The following AKAP9 variants were observed in gnomAD, a reference collection of about 807,000 sequenced individuals.
The protein encoded by AKAP9 is A-kinase anchoring protein 9, also known as A-kinase anchor protein 9.
In AKAP9, 311 loss-of-function variants were observed where a neutral mutation model predicts 488.5. That is an observed-to-expected ratio of 0.64 (90% CI 0.58 to 0.70). The LOEUF (loss-of-function observed/expected upper bound fraction) is 0.70, where lower values mean the gene tolerates loss of function less well. Among genes scored for constraint, AKAP9 ranks in the 30% least tolerant of loss-of-function variants. The pLI is 0.00. For missense variants in AKAP9, 4,215 were observed against 4,374.5 expected (o/e 0.96, Z 1.03); for synonymous variants, 1,462 against 1,483.5 (o/e 0.99, Z 0.33).
At chr7:91,993,083 T>C (rs1797966996) in intron 5 of AKAP9, 28 bp downstream of exon 5, 1 of 1,613,464 alleles carries the variant, frequency 6.2e-7, no homozygotes, top group Non-Finnish European at 8.5e-7. Flanking sequence ...GGCTTTTGAT[T>C]TGCTACTCAC....
At chr7:92,045,972 T>C (rs753976348) in intron 21 of AKAP9, among the ~76,000 whole-genome samples, 1 of 151,716 alleles carries the variant, frequency 6.6e-6, no homozygotes, top group Non-Finnish European at 1.5e-5. Flanking sequence ...TAGCTGGGAC[T>C]ACAGGTGCAT....
intron 24 of AKAP9, among the ~76,000 whole-genome samples, chr7:92,064,911 G>T (rs184140598): frequency 2.0e-5 from 3 of 150,906 alleles, no homozygotes; most frequent in African/African-American, 4.9e-5. Flanking sequence ...ATTGGACTTT[G>T]TTCTTTGCCC....
rs2130730239 is a variant in AKAP9 at position 92,022,268 on chromosome 7, C to T, written c.3868C>T (p.Leu1290Phe). ...GGGACAGCAGACAGATGGTATGAAA[C>T]TTGAATTTGGAGAAGAAAACCTTCC... ...IWGQQTDGMKLEFGEENLPKE... is the reference protein window; with the variant it reads ...IWGQQTDGMKFEFGEENLPKE... The change falls in exon 13 of 50, where the codon CTT becomes TTT. Residue 1290 changes from leucine (L) to phenylalanine (F), a missense_variant. Transcript: ENST00000356239. The T allele has an allele frequency of 6.2e-7, 1 of 1,613,408 alleles. No homozygotes were observed. The highest frequency in any genetic ancestry group is 8.5e-7 in the Non-Finnish European group (1 of 1,179,514).
chr7:92,038,576 G>T lies in AKAP9; in HGVS notation c.4496G>T (p.Gly1499Val), dbSNP rs967854967. 4 of 1,613,744 alleles carry T rather than the reference G, an allele frequency of 2.5e-6. No homozygotes were observed. The highest frequency in any genetic ancestry group is 3.4e-6 in the Non-Finnish European group (4 of 1,179,896). ...NEMKLSQDQI[G>V]FQTFETVDVK... ...ATGAAATTATCACAGGATCAAATTGGTTTTCAGACTTTTGAGACAGTGGAT... is the reference window on the plus strand; with the variant it reads ...ATGAAATTATCACAGGATCAAATTGTTTTTCAGACTTTTGAGACAGTGGAT... Residue 1499 changes from glycine (G) to valine (V), a missense_variant, in exon 17 of 50, where the codon GGT becomes GTT. This residue lies in a region of AKAP9 where 2,361 missense variants were observed against 2,430.0 expected (regional missense o/e 0.97). Coordinates refer to ENST00000356239, the MANE Select transcript of AKAP9 (RefSeq NM_005751.5).
At chr7:91,958,728 A>T (rs1793354669) in intron 1 of AKAP9, among the ~76,000 whole-genome samples, 1 of 152,150 alleles carries the variant, frequency 6.6e-6, no homozygotes, top group Admixed American at 6.6e-5. Context: ...GCAAGTAATG[A>T]TTTTGAATAG....
Position 92,086,419 on chromosome 7 carries a change from ATAATGAAACTTCATTT to A in AKAP9, c.9213+7_9213+22del. On this transcript the variant is annotated splice_donor_5th_base_variant and intron_variant, in intron 37 of 49. Transcript: ENST00000356239. ...TGGAACAGAGAATACAAGAACAGGT[ATAATGAAACTTCATTT>A]TAAAAACACTTTAATAGAAATAAGG... 3 of 1,608,632 alleles carry A rather than the reference ATAATGAAACTTCATTT, an allele frequency of 1.9e-6. No homozygotes were observed. The highest frequency in any genetic ancestry group is 2.6e-6 in the Non-Finnish European group (3 of 1,175,066).
At chr7:91,942,865 T>C (rs953574044) in intron 1 of AKAP9, among the ~76,000 whole-genome samples, 6 of 152,126 alleles carry the variant, frequency 3.9e-5, no homozygotes, top group African/African-American at 1.4e-4. Flanking sequence ...TAGCCCTTTT[T>C]CCAGTAAGAT....
intron 22 of AKAP9, among the ~76,000 whole-genome samples, chr7:92,055,826 G>T (rs982097881): frequency 8.6e-5 from 13 of 151,776 alleles, no homozygotes; most frequent in Non-Finnish European, 7.4e-5. Flanking sequence ...TTGTTACAAG[G>T]GCTGTATGCC....
chr7:91,958,610 A>G (rs1793338972), intron 1 of AKAP9, among the ~76,000 whole-genome samples: 2 of 152,204 alleles, frequency 1.3e-5, no homozygotes, highest in East Asian at 3.9e-4. Flanking sequence ...ATATTAGCAT[A>G]TGGGCCCACG....
intron 13 of AKAP9, among the ~76,000 whole-genome samples, 190 bp from the exon 14 acceptor site, chr7:92,022,624 A>G (rs893080465): frequency 6.6e-6 from 1 of 152,216 alleles, no homozygotes; most frequent in Admixed American, 6.5e-5. Context: ...GATCAAAAAG[A>G]TGATCTTGAA....
chr7:92,110,285 A>T lies in AKAP9; in HGVS notation c.*126A>T. ...ATATGAACACAGCTTATGATTGTAT[A>T]CAAATCCCTTGCCAGCACATGAAAA... On this transcript the variant is annotated 3_prime_UTR_variant, in exon 50 of 50. Coordinates refer to ENST00000356239, the MANE Select transcript of AKAP9 (RefSeq NM_005751.5). The T allele has an allele frequency of 1.3e-6, 1 of 780,106 alleles. No homozygotes were observed. Among genetic ancestry groups the T allele is most frequent in the Non-Finnish European group, 2.1e-6 (1 of 467,738 alleles). 48.3% of individuals were successfully genotyped at this position (780,106 alleles called of 1,614,324 possible).
At chr7:91,980,480 A>T (rs1396132767) in intron 3 of AKAP9, 147 bp downstream of exon 3, 17 of 113,490 alleles carry the variant, frequency 1.5e-4, no homozygotes, top group East Asian at 8.9e-4. Flanking sequence ...GAACCTGAGG[A>T]TTATGTATTA....
intron 37 of AKAP9, 108 bp from the exon 38 acceptor site, chr7:92,089,275 AAG>A (rs1815120778): frequency 1.6e-6 from 2 of 1,281,102 alleles, no homozygotes; most frequent in African/African-American, 1.5e-5. Flanking sequence ...TTTTTTAAAA[AAG>A]AAAATTTTAG....
chr7:92,000,189 T>C (rs1001710746), intron 7 of AKAP9, among the ~76,000 whole-genome samples: 2 of 152,262 alleles, frequency 1.3e-5, no homozygotes, highest in African/African-American at 4.8e-5. Flanking sequence ...TGCTTTGCTT[T>C]GAAAATTCTG....
chr7:91,967,433 T>C (rs1794553827), intron 1 of AKAP9, among the ~76,000 whole-genome samples: 1 of 152,224 alleles, frequency 6.6e-6, no homozygotes, highest in Admixed American at 6.5e-5. Context: ...TGATATTAGC[T>C]GTGGGTTTGC....
At chr7:92,009,363 A>G (rs1056156099) in intron 8 of AKAP9, among the ~76,000 whole-genome samples, 2 of 152,226 alleles carry the variant, frequency 1.3e-5, no homozygotes, top group African/African-American at 2.4e-5. Context: ...AAATTTGAAA[A>G]TAGACATAAA....
At chr7:92,014,474 C>T (rs1404913969) in intron 10 of AKAP9, 146 bp downstream of exon 10, 1 of 658,088 alleles carries the variant, frequency 1.5e-6, no homozygotes, top group East Asian at 2.9e-5. Context: ...CCAAAAAATA[C>T]AAAAATCAGT....
Position 92,001,227 on chromosome 7 carries a change from T to G in AKAP9, c.1310T>G (p.Leu437Arg), listed in dbSNP as rs776949914. The G allele has an allele frequency of 6.2e-6, 10 of 1,613,910 alleles. No homozygotes were observed. In the South Asian group the frequency reaches 1.1e-4, roughly 18 times the overall value. ...AAGTTAGAACAACTCCGGGCAGAGC[T>G]GGATGAGATGTATGGGCAGCAGATA... ...QRKLEQLRAELDEMYGQQIVQ... is the reference protein window; with the variant it reads ...QRKLEQLRAERDEMYGQQIVQ... Residue 437 changes from leucine to arginine, a missense_variant, in exon 8 of 50, where the codon CTG becomes CGG. By Grantham distance (102) the Leu-to-Arg change is moderately radical. This residue lies in a region of AKAP9 where 2,361 missense variants were observed against 2,430.0 expected (regional missense o/e 0.97). Transcript: ENST00000356239.
chr7:92,004,437 T>C (rs902807429), intron 8 of AKAP9, among the ~76,000 whole-genome samples: 3 of 152,250 alleles, frequency 2.0e-5, no homozygotes, highest in African/African-American at 7.2e-5. Flanking sequence ...TATTGATTCT[T>C]CCTATCCATG....
Sources: allele counts gnomAD v4.1 joint callset (sites outside exome capture counted in the v4.1 genomes callset), GRCh38; gene constraint gnomAD v4.1.1; regional missense constraint gnomAD v4.1.1; transcripts MANE v1.5; gene names NCBI Gene and HGNC (gene_info 2026-07-23, HGNC 2026-07-21).